Variants in DCDC1 observed in about 807,000 individuals in gnomAD.
The protein encoded by DCDC1 is doublecortin domain containing 1, also known as doublecortin domain-containing protein 1.
DCDC1 carries 200 observed loss-of-function variants against 178.3 expected under a neutral mutation model. The observed-to-expected ratio is 1.12, with a 90% confidence interval of 1.00 to 1.26. The LOEUF (loss-of-function observed/expected upper bound fraction) is 1.26, where lower values mean the gene tolerates loss of function less well. Ranked by LOEUF, DCDC1 falls within the 50% of genes most tolerant of loss-of-function variation. DCDC1 has a pLI of 0.00. For missense variants in DCDC1, 1,983 were observed against 1,749.2 expected (o/e 1.13, Z -2.38); for synonymous variants, 690 against 604.8 (o/e 1.14, Z -2.07).
intron 20 of DCDC1, among the ~76,000 whole-genome samples, chr11:31,013,080 A>G (rs1340623869): frequency 6.6e-6 from 1 of 152,218 alleles, no homozygotes; most frequent in Non-Finnish European, 1.5e-5. Flanking sequence ...TCATTACAGT[A>G]TTCTGCATTA....
intron 9 of DCDC1, among the ~76,000 whole-genome samples, chr11:31,185,077 C>T (rs1969310645): frequency 6.6e-6 from 1 of 152,120 alleles, no homozygotes; most frequent in African/African-American, 2.4e-5. Context: ...TACTATGCAG[C>T]CATAAAAAAG....
intron 20 of DCDC1, among the ~76,000 whole-genome samples, chr11:31,055,733 T>C (rs1258391565): frequency 2.6e-5 from 4 of 152,212 alleles, no homozygotes; most frequent in African/African-American, 9.6e-5. Flanking sequence ...ACTATTATTC[T>C]AAGTGAAGTA....
chr11:30,906,468 C>A, intron 30 of DCDC1, 72 bp downstream of exon 30: 1 of 1,456,176 alleles, frequency 6.9e-7, no homozygotes. Context: ...GAGTGCAAGG[C>A]AGATAATGAA....
rs78403068 is a variant in DCDC1 at position 30,893,241 on chromosome 11, G to C, written c.4903-244C>G. Among the ~76,000 whole-genome samples the C allele has an allele frequency of 9.5e-3, 1,439 of 152,180 alleles. 17 individuals carry two copies. The highest frequency in any genetic ancestry group is 0.032 in the African/African-American group (1,338 of 41,512). ...TAATAATAATAAGGCACTCATTTTG[G>C]CAAAGCACTTAACTTTCATTTATAA... On this transcript the variant is annotated intron_variant, in intron 35 of 38. Coordinates refer to ENST00000684477, the MANE Select transcript of DCDC1 (RefSeq NM_001387274.1).
chr11:31,231,548 T>C (rs903700030), intron 9 of DCDC1, among the ~76,000 whole-genome samples: 7 of 152,166 alleles, frequency 4.6e-5, no homozygotes, highest in Non-Finnish European at 8.8e-5. Flanking sequence ...AGAATCATTT[T>C]AGTAAAAAGT....
At chr11:31,232,096 G>A (rs904852148) in intron 9 of DCDC1, among the ~76,000 whole-genome samples, 1 of 152,070 alleles carries the variant, frequency 6.6e-6, no homozygotes, top group Non-Finnish European at 1.5e-5. Context: ...TTCATTATCT[G>A]CAAATAAAGT....
chr11:30,894,457 C>A, intron 34 of DCDC1, 73 bp from the exon 35 acceptor site: 1 of 1,576,302 alleles, frequency 6.3e-7, no homozygotes, highest in Admixed American at 1.9e-5. Context: ...TGATTTGGCT[C>A]TCTATGTATA....
At chr11:30,873,364 T>TATATATAGAGAG (rs1228106379) in intron 38 of DCDC1, among the ~76,000 whole-genome samples, 4 of 137,084 alleles carry the variant, frequency 2.9e-5, no homozygotes, top group African/African-American at 1.1e-4. Context: ...TATATATATA[T>TATATATAGAGAG]AGAGAGAGAG....
chr11:31,236,152 T>A (rs1406537020), intron 9 of DCDC1, among the ~76,000 whole-genome samples: 2 of 150,364 alleles, frequency 1.3e-5, no homozygotes, highest in Non-Finnish European at 3.0e-5. Context: ...GGATAAATGA[T>A]GGAAAATAAA....
At chr11:31,362,806 G>A (rs1013713929) in intron 1 of DCDC1, among the ~76,000 whole-genome samples, 1 of 152,042 alleles carries the variant, frequency 6.6e-6, no homozygotes, top group African/African-American at 2.4e-5. Context: ...TAAGATGTGT[G>A]GTTTCATTAT....
chr11:31,159,821 G>A (rs1019177597), intron 9 of DCDC1, among the ~76,000 whole-genome samples: 3 of 152,224 alleles, frequency 2.0e-5, no homozygotes, highest in African/African-American at 7.2e-5. Flanking sequence ...TAGGTGGCAT[G>A]ATCCTGTGTA....
At chr11:31,275,521 T>C (rs1025625175) in intron 7 of DCDC1, among the ~76,000 whole-genome samples, 1 of 152,196 alleles carries the variant, frequency 6.6e-6, no homozygotes, top group Non-Finnish European at 1.5e-5. Context: ...TCTGTTTTTT[T>C]GAGACAGAGT....
chr11:31,326,480 T>C (rs923879043), intron 3 of DCDC1, among the ~76,000 whole-genome samples: 2 of 152,176 alleles, frequency 1.3e-5, no homozygotes, highest in African/African-American at 4.8e-5. Flanking sequence ...GCAATAAAAA[T>C]ATGTGTAAGT....
chr11:31,220,256 T>C (rs1032385258), intron 9 of DCDC1, among the ~76,000 whole-genome samples: 4 of 152,234 alleles, frequency 2.6e-5, no homozygotes, highest in Admixed American at 2.6e-4. Flanking sequence ...AAACGTGTAA[T>C]GGGCAATATT....
chr11:30,898,919 T>C (rs1944440945), intron 34 of DCDC1, among the ~76,000 whole-genome samples: 1 of 152,152 alleles, frequency 6.6e-6, no homozygotes, highest in African/African-American at 2.4e-5. Flanking sequence ...CCCCAAAGAA[T>C]CATTTGTATC....
At chr11:31,278,197 G>A (rs1014354217) in intron 7 of DCDC1, among the ~76,000 whole-genome samples, 2 of 151,938 alleles carry the variant, frequency 1.3e-5, no homozygotes, top group Non-Finnish European at 2.9e-5. Flanking sequence ...TGTATGTGTG[G>A]GTCTATTTCT....
At chr11:31,349,410 T>C (rs549582685) in intron 1 of DCDC1, among the ~76,000 whole-genome samples, 1 of 152,284 alleles carries the variant, frequency 6.6e-6, no homozygotes, top group African/African-American at 2.4e-5. Flanking sequence ...GTACCAACTA[T>C]TTCCAGACTT....
intron 1 of DCDC1, among the ~76,000 whole-genome samples, chr11:31,339,325 G>A (rs1029691711): frequency 6.6e-6 from 1 of 152,150 alleles, no homozygotes; most frequent in African/African-American, 2.4e-5. Context: ...CAACGCAAGG[G>A]CACATTATCA....
intron 6 of DCDC1, among the ~76,000 whole-genome samples, chr11:31,292,725 C>T (rs998138610): frequency 6.6e-6 from 1 of 151,904 alleles, no homozygotes; most frequent in African/African-American, 2.4e-5. Flanking sequence ...GTACTAAATG[C>T]TACTAAATTG....
Sources: gnomAD v4.1 joint callset for allele counts (sites outside exome capture counted in the v4.1 genomes callset) on GRCh38, gnomAD v4.1.1 for gene constraint, MANE v1.5 for transcripts, NCBI Gene and HGNC (gene_info 2026-07-23, HGNC 2026-07-21) for gene names.